The following DACH1 variants were observed in gnomAD, a reference collection of about 807,000 sequenced individuals.
The protein encoded by DACH1 is dachshund family transcription factor 1.
A neutral mutation model predicts 54.2 loss-of-function variants in DACH1; 12 were observed. The ratio of observed to expected loss-of-function variants is 0.22; its 90% CI spans 0.14 to 0.36. The LOEUF (loss-of-function observed/expected upper bound fraction) is 0.36. DACH1 is among the 10% of genes least tolerant of loss of function. DACH1 has a pLI of 1.00. For synonymous variants in DACH1, 386 were observed against 366.2 expected, an observed-to-expected ratio of 1.05 and a Z score of -0.62; for missense variants, 805 against 929.8, an observed-to-expected ratio of 0.87 and a Z score of 1.75.
chr13:71,697,654 G>T (rs1306632579), intron 1 of DACH1, among the ~76,000 whole-genome samples: 1 of 152,138 alleles, frequency 6.6e-6, no homozygotes, highest in East Asian at 1.9e-4. Flanking sequence ...CTTTTACAAT[G>T]AAGTGTCAAT....
In DACH1 at chr13:71,448,338, G is replaced by A. The variant is rs145956364; in HGVS notation, c.2084-7646C>T. Among the ~76,000 whole-genome samples, 27 of 152,214 alleles carry A rather than the reference G, an allele frequency of 1.8e-4. No homozygotes were observed. In the East Asian group the frequency reaches 4.8e-3, roughly 27 times the overall value. ...AGCCGTGTGTGTCTCTCAACATAATGTCTTCATCATGTGAAGTAAAGGAAA... is the reference window on the plus strand; with the variant it reads ...AGCCGTGTGTGTCTCTCAACATAATATCTTCATCATGTGAAGTAAAGGAAA... On this transcript the variant is annotated intron_variant, in intron 10 of 10. Transcript: ENST00000613252.
chr13:71,518,864 T>C (rs941097717), intron 6 of DACH1, among the ~76,000 whole-genome samples: 4 of 151,808 alleles, frequency 2.6e-5, no homozygotes, highest in Non-Finnish European at 5.9e-5. Context: ...GAGCAAAGAA[T>C]GGTTTCTGCA....
chr13:71,557,058 C>T lies in DACH1; in HGVS notation c.1536G>A (p.Met512Ile). ...PKEGDLAGHDMGHESKRMHIE... is the reference protein window; with the variant it reads ...PKEGDLAGHDIGHESKRMHIE... ...TATGCATCCTTTTTGACTCATGTCC[C>T]ATGTCATGACCGGCCAAATCTCCCT... Residue 512 changes from methionine to isoleucine, a missense_variant, in exon 6 of 11, where the codon ATG becomes ATA. Met to Ile is a conservative substitution (Grantham distance 10). Around this residue, in one of 3 missense-constraint regions of DACH1, gnomAD observed 472 missense variants for 545.3 expected, o/e 0.87. Transcript: ENST00000613252. 6.2e-7 allele frequency: 1 copy of T among 1,609,912 alleles called. No homozygotes were observed. Among genetic ancestry groups the T allele is most frequent in the Non-Finnish European group, 8.5e-7 (1 of 1,178,058 alleles).
intron 1 of DACH1, among the ~76,000 whole-genome samples, chr13:71,757,852 T>C (rs6562681): frequency 0.3 from 45,597 of 151,936 alleles, 7,210 homozygotes; most frequent in Non-Finnish European, 0.33. Flanking sequence ...AGCAATCCAG[T>C]TGTTGATAAT....
At chr13:71,529,193 T>TGTTTG (rs1882234521) in intron 6 of DACH1, among the ~76,000 whole-genome samples, 9 of 146,296 alleles carry the variant, frequency 6.2e-5, no homozygotes, top group African/African-American at 2.4e-4. Context: ...GTTTTTTTTT[T>TGTTTG]TTTTTTTTTT....
chr13:71,679,779 T>C (rs2138697555), intron 2 of DACH1, among the ~76,000 whole-genome samples: 1 of 151,930 alleles, frequency 6.6e-6, no homozygotes, highest in African/African-American at 2.4e-5. Context: ...GGTCAGGAGA[T>C]CGAGACCATC....
At chr13:71,484,976 C>G (rs151225573) in intron 7 of DACH1, among the ~76,000 whole-genome samples, 3,735 of 151,900 alleles carry the variant, frequency 0.025, 58 homozygotes, top group Non-Finnish European at 0.043. Flanking sequence ...GCAGGAGAAT[C>G]ACTTGAGAGG....
chr13:71,829,861 A>G (rs1230676756), intron 1 of DACH1, among the ~76,000 whole-genome samples: 1 of 151,948 alleles, frequency 6.6e-6, no homozygotes, highest in African/African-American at 2.4e-5. Flanking sequence ...ATTTGAGACC[A>G]TCTAGTAATA....
At chr13:71,681,115 A>T (rs1180933889) in intron 2 of DACH1, among the ~76,000 whole-genome samples, 1 of 152,112 alleles carries the variant, frequency 6.6e-6, no homozygotes, top group Non-Finnish European at 1.5e-5. Context: ...TCCTGATGAA[A>T]CAATAAAGAT....
chr13:71,569,735 C>G (rs936688579), intron 4 of DACH1, among the ~76,000 whole-genome samples: 4 of 152,090 alleles, frequency 2.6e-5, no homozygotes. Context: ...ATTGTTATTG[C>G]CATTTGCATT....
rs1491248050 is a variant in DACH1, at chr13:71,816,620, G to GTATATATATATACACACATA, written c.848+49301_848+49302insTATGTGTGTATATATATATA. Among the ~76,000 whole-genome samples, 4 of 21,228 alleles carry GTATATATATATACACACATA rather than the reference G, an allele frequency of 1.9e-4. 1 individual carries two copies. In the Admixed American group the frequency reaches 2.0e-3, roughly 10 times the overall value. 13.9% of individuals were successfully genotyped at this position (21,228 alleles called of 152,430 possible). On this transcript the variant is annotated intron_variant, in intron 1 of 10. Coordinates refer to ENST00000613252, the MANE Select transcript of DACH1 (RefSeq NM_080759.6). Reference sequence around the variant, plus strand: ...CACATATGTGTGTATATATATACACGTGTATATATACACACACATATGTGT... The same window carrying GTATATATATATACACACATA: ...CACATATGTGTGTATATATATACACGTATATATATATACACACATATGTATATATACACACACATATGTGT...
At chr13:71,581,778 T>C (rs1593931856) in intron 3 of DACH1, among the ~76,000 whole-genome samples, 2 of 152,326 alleles carry the variant, frequency 1.3e-5, no homozygotes, top group South Asian at 4.1e-4. Flanking sequence ...GTATATATCA[T>C]GTACTTAAAA....
chr13:71,534,906 T>C (rs953012068), intron 6 of DACH1, among the ~76,000 whole-genome samples: 1 of 151,708 alleles, frequency 6.6e-6, no homozygotes, highest in African/African-American at 2.4e-5. Context: ...GCTAAATGAG[T>C]GTTCTATGCA....
At chr13:71,588,199 G>A (rs928402788) in intron 3 of DACH1, among the ~76,000 whole-genome samples, 1 of 151,882 alleles carries the variant, frequency 6.6e-6, no homozygotes, top group Non-Finnish European at 1.5e-5. Flanking sequence ...ATTTTTCTTT[G>A]TCATGAAAAT....
At chr13:71,489,209 C>G (rs899578385) in intron 6 of DACH1, 61 bp from the exon 7 acceptor site, 9 of 1,543,214 alleles carry the variant, frequency 5.8e-6, no homozygotes, top group Non-Finnish European at 4.4e-6. Context: ...TATTAGACCT[C>G]AGTAATGGCT....
intron 1 of DACH1, among the ~76,000 whole-genome samples, chr13:71,684,242 C>T (rs1046621926): frequency 6.6e-6 from 1 of 152,122 alleles, no homozygotes; most frequent in South Asian, 2.1e-4. Flanking sequence ...ACTCTCCATG[C>T]TAATTCCAGA....
chr13:71,739,958 G>A (rs17088424), intron 1 of DACH1, among the ~76,000 whole-genome samples: 2,254 of 152,182 alleles, frequency 0.015, 40 homozygotes, highest in African/African-American at 0.04. Flanking sequence ...AACATTTCCA[G>A]GATTTCTAAA....
intron 3 of DACH1, among the ~76,000 whole-genome samples, chr13:71,579,680 T>C (rs1378043689): frequency 6.6e-6 from 1 of 152,148 alleles, no homozygotes; most frequent in Non-Finnish European, 1.5e-5. Context: ...ATAACAATGC[T>C]TCATGTATTT....
In DACH1 at chr13:71,647,581, A is replaced by G. The variant is rs192039002; in HGVS notation, c.965-16864T>C. 1.6e-3 allele frequency among the ~76,000 whole-genome samples: 242 copies of G among 152,308 alleles called. 5 individuals carry two copies. The highest frequency in any genetic ancestry group is 0.016 in the Admixed American group (239 of 15,286). ...AAAAGGCTCTAACTGGTCAAACTGT[A>G]TCATCTGATCATGCCCAACCAATCA... On this transcript the variant is annotated intron_variant, in intron 2 of 10. Transcript: ENST00000613252.
Sources: allele counts gnomAD v4.1 joint callset (sites outside exome capture counted in the v4.1 genomes callset), GRCh38; gene constraint gnomAD v4.1.1; regional missense constraint gnomAD v4.1.1; transcripts MANE v1.5; gene names NCBI Gene and HGNC (gene_info 2026-07-23, HGNC 2026-07-21).